RAD51B: variants seen among roughly 807,000 people sequenced by gnomAD.
The protein encoded by RAD51B is DNA repair protein RAD51 homolog 2.
A neutral mutation model predicts 42.2 loss-of-function variants in RAD51B; 38 were observed. That is an observed-to-expected ratio of 0.90 (90% CI 0.70 to 1.18). The LOEUF (loss-of-function observed/expected upper bound fraction) is 1.18, where lower values mean the gene tolerates loss of function less well. Among genes scored for constraint, RAD51B ranks in the 50% most tolerant of loss-of-function variants. The pLI is 0.00. For synonymous variants in RAD51B, 154 were observed against 145.2 expected, an observed-to-expected ratio of 1.06 and a Z score of -0.43; for missense variants, 373 against 400.7, an observed-to-expected ratio of 0.93 and a Z score of 0.59.
chr14:68,008,846 G>A (rs941263467), intron 7 of RAD51B, among the ~76,000 whole-genome samples: 1 of 151,146 alleles, frequency 6.6e-6, no homozygotes, highest in Non-Finnish European at 1.5e-5. Context: ...CTTTACATCT[G>A]TGTAGTGATA....
chr14:68,339,020 G>C, intron 8 of RAD51B: 6 of 657,428 alleles, frequency 9.1e-6, no homozygotes, highest in South Asian at 8.9e-5. Context: ...GGGCAGGCAG[G>C]CAGAAGACAG....
At chr14:68,584,066 G>GC (rs35946632) in intron 10 of RAD51B, among the ~76,000 whole-genome samples, 16,014 of 151,900 alleles carry the variant, frequency 0.11, 920 homozygotes, top group South Asian at 0.16. Context: ...ATGCCCAGGC[G>GC]CCCCCCCACC....
chr14:68,421,199 T>A, intron 9 of RAD51B, among the ~76,000 whole-genome samples: 1 of 152,144 alleles, frequency 6.6e-6, no homozygotes, highest in Non-Finnish European at 1.5e-5. Context: ...GAAGTGCCCC[T>A]TCCTCTGCTT....
At chr14:68,098,316 A>C (rs2077228945) in intron 7 of RAD51B, among the ~76,000 whole-genome samples, 1 of 152,256 alleles carries the variant, frequency 6.6e-6, no homozygotes, top group African/African-American at 2.4e-5. Context: ...CTTTTGTTTA[A>C]GAGATTGGCA....
intron 7 of RAD51B, among the ~76,000 whole-genome samples, chr14:68,102,713 C>T (rs1318934352): frequency 6.6e-6 from 1 of 152,206 alleles, no homozygotes; most frequent in Non-Finnish European, 1.5e-5. Context: ...GCCCTCCAAA[C>T]TGTTCCAAAC....
chr14:68,562,344 A>G, intron 10 of RAD51B: 1 of 985,434 alleles, frequency 1.0e-6, no homozygotes, highest in Non-Finnish European at 1.2e-6. Flanking sequence ...AGGGTGAGAC[A>G]GGGAGTTTAA....
Position 68,650,966 on chromosome 14 carries a change from T to C in RAD51B, c.*11+110T>C, listed in dbSNP as rs548245663. On this transcript the variant is annotated intron_variant, in intron 11 of 11. Coordinates refer to the RAD51B transcript ENST00000488612. ...CCCAAGAACCTCAAAAGCATAGCAA[T>C]ATGAAGAGATACAAATGGCCACACA... 32 of 606,522 alleles carry C rather than the reference T, an allele frequency of 5.3e-5. No homozygotes were observed. In the South Asian group the frequency reaches 6.3e-4, roughly 12 times the overall value. The allele number at this position is 606,522 out of a possible 1,614,324, so 37.6% of individuals were successfully genotyped here.
intron 10 of RAD51B, chr14:68,562,918 A>C: frequency 1.0e-6 from 1 of 985,412 alleles, no homozygotes; most frequent in Non-Finnish European, 1.2e-6. Flanking sequence ...TTGCCTCCAC[A>C]TCCAAACATG....
chr14:68,211,215 TC>T (rs1369733898), intron 7 of RAD51B, among the ~76,000 whole-genome samples: 2 of 152,114 alleles, frequency 1.3e-5, no homozygotes, highest in Non-Finnish European at 2.9e-5. Flanking sequence ...TGTGACCCTT[TC>T]CCCTCCCCAC....
At chr14:68,196,063 G>T (rs2079366268) in intron 7 of RAD51B, among the ~76,000 whole-genome samples, 1 of 151,796 alleles carries the variant, frequency 6.6e-6, no homozygotes, top group Non-Finnish European at 1.5e-5. Context: ...GATTAGCTGG[G>T]CGTGGTGGCA....
At chr14:68,617,029 A>T (rs1015807454) in intron 10 of RAD51B, among the ~76,000 whole-genome samples, 1 of 151,730 alleles carries the variant, frequency 6.6e-6, no homozygotes, top group African/African-American at 2.4e-5. Flanking sequence ...CTGTCTGTTC[A>T]TTCTGTCTTT....
chr14:68,171,927 G>A (rs1474476148), intron 7 of RAD51B, among the ~76,000 whole-genome samples: 1 of 149,052 alleles, frequency 6.7e-6, no homozygotes, highest in African/African-American at 2.5e-5. Context: ...GCCTGGTTTC[G>A]AACTCCTGAC....
intron 7 of RAD51B, among the ~76,000 whole-genome samples, chr14:68,006,111 C>T (rs1167566026): frequency 6.6e-6 from 1 of 152,202 alleles, no homozygotes; most frequent in East Asian, 1.9e-4. Context: ...CACCAGGCCC[C>T]ACCTCCAACA....
intron 7 of RAD51B, among the ~76,000 whole-genome samples, chr14:68,125,692 A>C (rs919910453): frequency 6.6e-6 from 1 of 152,170 alleles, no homozygotes; most frequent in Non-Finnish European, 1.5e-5. Flanking sequence ...AAAGAAAAAA[A>C]GTGTCTCACT....
At chr14:68,333,858 A>G (rs918952293) in intron 8 of RAD51B, among the ~76,000 whole-genome samples, 2 of 152,128 alleles carry the variant, frequency 1.3e-5, no homozygotes, top group Non-Finnish European at 2.9e-5. Flanking sequence ...TTGCTCTTTC[A>G]TAGGTGTCTT....
chr14:68,570,350 C>A (rs534360998), intron 10 of RAD51B, among the ~76,000 whole-genome samples: 10 of 152,196 alleles, frequency 6.6e-5, no homozygotes, highest in Non-Finnish European at 1.3e-4. Context: ...CATTTGACTG[C>A]AAGGTTAGAA....
At chr14:68,062,054 T>A (rs1414740250) in intron 7 of RAD51B, among the ~76,000 whole-genome samples, 1 of 152,180 alleles carries the variant, frequency 6.6e-6, no homozygotes, top group Non-Finnish European at 1.5e-5. Context: ...TGGCCTTTAT[T>A]TTGCTTAGGT....
At chr14:68,383,921 G>T (rs969895895) in intron 8 of RAD51B, among the ~76,000 whole-genome samples, 11 of 152,212 alleles carry the variant, frequency 7.2e-5, no homozygotes, top group Non-Finnish European at 1.6e-4. Context: ...GTACTACTAT[G>T]TGTCAATCCC....
At position 68,218,502 on chromosome 14, in the gene RAD51B, T is replaced by G. The variant is rs1308181112; in HGVS notation, c.757-73382T>G. Among the ~76,000 whole-genome samples, 14 of 152,372 alleles carry G rather than the reference T, an allele frequency of 9.2e-5. No homozygotes were observed. The East Asian group carries it at 2.7e-3, about 29-fold the overall frequency. ...AGAAATATGTGCTTGCTGAAAAGCC[T>G]GCTAATCTCTGTGTGATAACTTAAT... On this transcript the variant is annotated intron_variant, in intron 7 of 10. Coordinates refer to ENST00000471583, the MANE Select transcript of RAD51B (RefSeq NM_133510.4).
Sources: allele counts gnomAD v4.1 joint callset (sites outside exome capture counted in the v4.1 genomes callset), GRCh38; gene constraint gnomAD v4.1.1; transcripts MANE v1.5; gene names NCBI Gene and HGNC (gene_info 2026-07-23, HGNC 2026-07-21).